The following FER variants were observed in gnomAD, a reference collection of about 807,000 sequenced individuals.
The protein encoded by FER is tyrosine-protein kinase Fer.
Under a neutral mutation model 111.0 loss-of-function variants are expected in FER, and 63 were observed. The ratio of observed to expected loss-of-function variants is 0.57; its 90% confidence interval spans 0.46 to 0.70. The LOEUF (loss-of-function observed/expected upper bound fraction) is 0.70. Ranked by LOEUF, FER falls within the 30% of genes least tolerant of loss-of-function variation. FER has a pLI of 0.00. For synonymous variants in FER, 327 were observed against 313.9 expected (o/e 1.04, Z -0.44); for missense variants, 914 against 954.0 (o/e 0.96, Z 0.55).
At chr5:109,106,591 G>A (rs1029384716) in intron 17 of FER, among the ~76,000 whole-genome samples, 7 of 152,130 alleles carry the variant, frequency 4.6e-5, no homozygotes, top group Non-Finnish European at 7.4e-5. Context: ...AATTTTAAAT[G>A]TATTAAGAAT....
chr5:108,890,450 G>C (rs372342437), intron 9 of FER, among the ~76,000 whole-genome samples: 1 of 152,032 alleles, frequency 6.6e-6, no homozygotes, highest in Non-Finnish European at 1.5e-5. Context: ...AGGAGAATCT[G>C]TTTCATGCCT....
intron 2 of FER, among the ~76,000 whole-genome samples, chr5:108,781,093 T>G (rs1754024489): frequency 6.6e-6 from 1 of 152,232 alleles, no homozygotes; most frequent in Non-Finnish European, 1.5e-5. Context: ...CTTAGCATAT[T>G]AATCATAGTT....
intron 13 of FER, among the ~76,000 whole-genome samples, chr5:108,999,887 C>T (rs1400715534): frequency 6.6e-6 from 1 of 151,892 alleles, no homozygotes; most frequent in Non-Finnish European, 1.5e-5. Flanking sequence ...GATTTTTAGT[C>T]TCTTTTAATA....
chr5:108,955,846 C>T (rs1758354371), intron 12 of FER, among the ~76,000 whole-genome samples: 1 of 151,748 alleles, frequency 6.6e-6, no homozygotes, highest in Non-Finnish European at 1.5e-5. Context: ...CACATGTGCA[C>T]ATACATCTCT....
chr5:109,139,519 A>G (rs1753297359), intron 17 of FER, among the ~76,000 whole-genome samples: 1 of 151,858 alleles, frequency 6.6e-6, no homozygotes. Context: ...AGTTTTTAAG[A>G]AAAAATGCTA....
intron 13 of FER, among the ~76,000 whole-genome samples, chr5:108,996,377 G>C (rs1184356816): frequency 3.3e-5 from 5 of 152,138 alleles, no homozygotes; most frequent in Non-Finnish European, 7.4e-5. Flanking sequence ...TTTTCTTCTA[G>C]GGTTTTTATT....
chr5:108,949,300 T>C (rs1005622197), intron 11 of FER, among the ~76,000 whole-genome samples: 5 of 152,118 alleles, frequency 3.3e-5, no homozygotes, highest in African/African-American at 1.2e-4. Context: ...CAAGGCACGT[T>C]GTCAAGTTCA....
chr5:108,755,136 A>G (rs1750939973), intron 1 of FER, among the ~76,000 whole-genome samples: 1 of 152,238 alleles, frequency 6.6e-6, no homozygotes, highest in Non-Finnish European at 1.5e-5. Context: ...TGCTTCTGAA[A>G]TGAAGACTAG....
At chr5:108,901,468 T>C (rs994057147) in intron 10 of FER, among the ~76,000 whole-genome samples, 37 of 152,198 alleles carry the variant, frequency 2.4e-4, no homozygotes, top group Non-Finnish European at 4.7e-4. Context: ...GATTATGGCA[T>C]AATAGGTTAG....
chr5:108,847,331 T>G (rs1042446756), intron 5 of FER, among the ~76,000 whole-genome samples: 1 of 151,914 alleles, frequency 6.6e-6, no homozygotes, highest in Non-Finnish European at 1.5e-5. Flanking sequence ...TTTTCTAGAG[T>G]TTTTTAATTT....
intron 3 of FER, among the ~76,000 whole-genome samples, chr5:108,828,987 T>A (rs573745340): frequency 1.3e-5 from 2 of 152,292 alleles, no homozygotes; most frequent in African/African-American, 4.8e-5. Context: ...TAATAACAAT[T>A]TATCTATGTC....
intron 16 of FER, among the ~76,000 whole-genome samples, chr5:109,064,300 T>C (rs1334428131): frequency 6.6e-6 from 1 of 152,200 alleles, no homozygotes; most frequent in Non-Finnish European, 1.5e-5. Flanking sequence ...TTTTTAGATA[T>C]ACTCTCTTAG....
At chr5:109,120,666 C>G (rs1397715921) in intron 17 of FER, among the ~76,000 whole-genome samples, 1 of 151,970 alleles carries the variant, frequency 6.6e-6, no homozygotes, top group Non-Finnish European at 1.5e-5. Flanking sequence ...ATAGGAATTG[C>G]AATTAGTTTG....
intron 17 of FER, among the ~76,000 whole-genome samples, chr5:109,150,918 CTAAA>C (rs1163074914): frequency 3.3e-5 from 5 of 151,986 alleles, no homozygotes; most frequent in Non-Finnish European, 7.4e-5. Context: ...TTAATTATTA[CTAAA>C]TAATGTTAAG....
At chr5:109,137,057 C>G (rs1409778388) in intron 17 of FER, among the ~76,000 whole-genome samples, 2 of 152,014 alleles carry the variant, frequency 1.3e-5, no homozygotes, top group Non-Finnish European at 2.9e-5. Flanking sequence ...TTCCCAAAGT[C>G]TCTTAGTTTA....
intron 17 of FER, among the ~76,000 whole-genome samples, chr5:109,167,860 A>G (rs1174700433): frequency 1.3e-5 from 2 of 152,178 alleles, no homozygotes; most frequent in Non-Finnish European, 2.9e-5. Context: ...TGTCCCTTCC[A>G]AAGGTAGAAA....
chr5:109,101,623 C>A (rs1748247268), intron 17 of FER, among the ~76,000 whole-genome samples: 1 of 151,972 alleles, frequency 6.6e-6, no homozygotes. Context: ...AAATTCATTT[C>A]TATGGAGATA....
intron 10 of FER, among the ~76,000 whole-genome samples, chr5:108,941,470 T>C (rs147810966): frequency 1.3e-5 from 2 of 152,288 alleles, no homozygotes; most frequent in Non-Finnish European, 2.9e-5. Flanking sequence ...TTCGTTAATA[T>C]AGCCGTTACA....
intron 2 of FER, among the ~76,000 whole-genome samples, chr5:108,769,944 A>T (rs1752711432): frequency 6.6e-6 from 1 of 151,998 alleles, no homozygotes; most frequent in South Asian, 2.1e-4. Context: ...GATGATGATG[A>T]TGATGATGAT....
Sources: allele counts gnomAD v4.1 joint callset (sites outside exome capture counted in the v4.1 genomes callset), GRCh38; gene constraint gnomAD v4.1.1; transcripts MANE v1.5; gene names NCBI Gene and HGNC (gene_info 2026-07-23, HGNC 2026-07-21).